The following TCF25 variants were observed in gnomAD, a reference collection of about 807,000 sequenced individuals.
TCF25 encodes TCF25 ribosome quality control complex subunit.
Under a neutral mutation model 83.1 loss-of-function variants are expected in TCF25, and 41 were observed. The observed-to-expected ratio is 0.49, with a 90% CI of 0.38 to 0.64. TCF25 has a LOEUF of 0.64. TCF25 is among the 30% of genes least tolerant of loss of function. The pLI is 0.00. For synonymous variants in TCF25, 458 were observed against 365.0 expected (o/e 1.25, Z -2.90); for missense variants, 979 against 914.5 (o/e 1.07, Z -0.91).
intron 1 of TCF25, 39 bp downstream of exon 1, chr16:89,873,898 C>T: frequency 7.0e-7 from 1 of 1,429,368 alleles, no homozygotes. Flanking sequence ...TGGGGTGGCC[C>T]TTGACGTTGT....
intron 7 of TCF25, among the ~76,000 whole-genome samples, chr16:89,894,354 T>TGCAGCCCCGGACGGCCCCCGC (rs1167172816): frequency 2.3e-5 from 3 of 133,324 alleles, no homozygotes; most frequent in African/African-American, 3.6e-5. Flanking sequence ...CAGCTCCCCT[T>TGCAGCCCCGGACGGCCCCCGC]GCAGCCCCGG....
Position 89,900,767 on chromosome 16 carries a change from C to G in TCF25, c.1354C>G (p.Gln452Glu), listed in dbSNP as rs754815405. 2 of 1,589,618 alleles carry G rather than the reference C, an allele frequency of 1.3e-6. No individual in the cohort carries two copies. Among genetic ancestry groups the G allele is most frequent in the Non-Finnish European group, 8.6e-7 (1 of 1,159,556 alleles). The change falls in exon 12 of 18, where the codon CAG becomes GAG. Residue 452 changes from glutamine to glutamate, a missense_variant. Physicochemically the swap from Gln to Glu is conservative, Grantham distance 29. Coordinates refer to ENST00000263346, the MANE Select transcript of TCF25 (RefSeq NM_014972.3). ...CAGGCAGAAGGCCTCTCTCCTGATA[C>G]AGCAGGCGCTCACCATGTTCCCTGG... Reference protein sequence around the residue: ...SARQKASLLIQQALTMFPGVL... With the variant: ...SARQKASLLIEQALTMFPGVL...
At chr16:89,896,893 C>T (rs1044253228) in intron 9 of TCF25, among the ~76,000 whole-genome samples, 57 of 152,206 alleles carry the variant, frequency 3.7e-4, no homozygotes, top group African/African-American at 1.4e-3. Flanking sequence ...CCTGGTGGCG[C>T]GTGCCTGTGG....
At chr16:89,909,064 C>G (rs879178472) in intron 16 of TCF25, 3 of 1,289,394 alleles carry the variant, frequency 2.3e-6, no homozygotes, top group Non-Finnish European at 3.0e-6. Flanking sequence ...CAAGCGCTTG[C>G]GTGTCGGCCT....
At chr16:89,906,932 C>T (rs1227406541) in intron 15 of TCF25, among the ~76,000 whole-genome samples, 4 of 152,094 alleles carry the variant, frequency 2.6e-5, no homozygotes, top group African/African-American at 7.2e-5. Context: ...GCTTCTGACA[C>T]GTGGTGAAGA....
At position 89,873,661 on chromosome 16, in the gene TCF25, C is replaced by T. The variant is rs1309127743; in HGVS notation, c.-7C>T. 5 of 1,566,156 alleles carry T rather than the reference C, an allele frequency of 3.2e-6. No individual in the cohort carries two copies. In the African/African-American group the frequency reaches 4.3e-5, roughly 13 times the overall value. Reference sequence around the variant, plus strand: ...CCTCTCTCCAGACGTCGTGGTCGTTCGGTCCTATGTCGCGCCGGGCCCTCC... The same window carrying T: ...CCTCTCTCCAGACGTCGTGGTCGTTTGGTCCTATGTCGCGCCGGGCCCTCC... On this transcript the variant is annotated 5_prime_UTR_variant, in exon 1 of 18. Coordinates refer to ENST00000263346, the MANE Select transcript of TCF25 (RefSeq NM_014972.3).
intron 11 of TCF25, among the ~76,000 whole-genome samples, chr16:89,899,268 C>T (rs1349261246): frequency 1.3e-5 from 2 of 152,176 alleles, no homozygotes; most frequent in African/African-American, 4.8e-5. Flanking sequence ...CACAGGGACC[C>T]CCAGCACGTC....
In TCF25 at chr16:89,910,430, C is replaced by CA. The variant is rs1326490153; in HGVS notation, c.1800-161_1800-160insA. On this transcript the variant is annotated intron_variant, in intron 16 of 17. Transcript: ENST00000263346. Reference sequence around the variant, plus strand: ...TGATGAGGAAGCCTCACGGGCCACCCGGGGAATCCAGGGCCTGTGCTCAGC... The same window carrying CA: ...TGATGAGGAAGCCTCACGGGCCACCCAGGGGAATCCAGGGCCTGTGCTCAGC... The CA allele has an allele frequency of 5.8e-6, 4 of 684,702 alleles. No homozygotes were observed. The African/African-American group carries it at 7.2e-5, about 12-fold the overall frequency. The allele number at this position is 684,702 out of a possible 1,614,324, so 42.4% of individuals were successfully genotyped here. A position where few individuals can be genotyped will look rare whatever the true frequency, so the allele number is the denominator to read the frequency against.
At chr16:89,899,507 G>A (rs182759870) in intron 11 of TCF25, among the ~76,000 whole-genome samples, 6 of 152,302 alleles carry the variant, frequency 3.9e-5, no homozygotes, top group East Asian at 1.9e-4. Flanking sequence ...CGAGGCGGGC[G>A]GATCACCTGA....
In TCF25 at chr16:89,910,601, A is replaced by G. The variant is rs2045481688; in HGVS notation, c.1810A>G (p.Ile604Val). 6.2e-7 allele frequency: 1 copy of G among 1,613,716 alleles called. No homozygotes were observed. The highest frequency in any genetic ancestry group is 1.1e-5 in the South Asian group (1 of 91,090). Residue 604 changes from isoleucine (I) to valine (V), a missense_variant, in exon 17 of 18, where the codon ATC becomes GTC. Coordinates refer to ENST00000263346, the MANE Select transcript of TCF25 (RefSeq NM_014972.3). ...SYVRPERLSP[I>V]SHGNTIALFF... ...TTGACTTTCTTTCAGGCTAAGTCCT[A>G]TCAGCCATGGAAACACCATTGCTCT...
chr16:89,893,692 C>A, intron 6 of TCF25, 36 bp from the exon 7 acceptor site: 1 of 1,612,806 alleles, frequency 6.2e-7, no homozygotes, highest in South Asian at 1.1e-5. Context: ...CGTCCCTGCT[C>A]CCGGCACACC....
At chr16:89,896,710 C>T (rs1388945107) in intron 9 of TCF25, among the ~76,000 whole-genome samples, 1 of 152,006 alleles carries the variant, frequency 6.6e-6, no homozygotes, top group Non-Finnish European at 1.5e-5. Flanking sequence ...CGTGCCACAA[C>T]GCCTGGCTAA....
Position 89,875,513 on chromosome 16 carries a change from GTTTTTTTTTTTT to G in TCF25, c.192+1670_192+1681del, listed in dbSNP as rs1193815042. On this transcript the variant is annotated intron_variant, in intron 1 of 17. Coordinates refer to ENST00000263346, the MANE Select transcript of TCF25 (RefSeq NM_014972.3). ...TTCACATAGATATTCCCTGACGTGA[GTTTTTTTTTTTT>G]TTTTTTTTTTTTTTTGAGATGGAGT... 3.5e-4 allele frequency among the ~76,000 whole-genome samples: 23 copies of G among 66,012 alleles called. No homozygotes were observed. In the East Asian group the frequency reaches 0.012, roughly 35 times the overall value. 43.3% of individuals were successfully genotyped at this position (66,012 alleles called of 152,430 possible).
chr16:89,895,000 G>T, intron 7 of TCF25, 38 bp from the exon 8 acceptor site: 1 of 1,587,926 alleles, frequency 6.3e-7, no homozygotes, highest in South Asian at 1.1e-5. Flanking sequence ...GGGCCTTGCT[G>T]AGTGCCTTTC....
intron 6 of TCF25, 112 bp downstream of exon 6, chr16:89,892,387 G>A (rs1170923838): frequency 2.2e-5 from 28 of 1,252,238 alleles, no homozygotes; most frequent in Non-Finnish European, 3.1e-5. Flanking sequence ...GGGGTGGAGG[G>A]CGGCGGGGGG....
chr16:89,900,498 A>C, intron 11 of TCF25, 137 bp from the exon 12 acceptor site: 1 of 942,526 alleles, frequency 1.1e-6, no homozygotes, highest in Non-Finnish European at 1.5e-6. Context: ...ATGCTGAGTT[A>C]GGAAGAGGCC....
chr16:89,910,444 C>A, intron 16 of TCF25, 147 bp from the exon 17 acceptor site: 1 of 740,700 alleles, frequency 1.4e-6, no homozygotes, highest in Non-Finnish European at 2.3e-6. Context: ...GAATCCAGGG[C>A]CTGTGCTCAG....
intron 16 of TCF25, chr16:89,908,843 G>C (rs1046946554): frequency 2.8e-5 from 27 of 976,798 alleles, no homozygotes; most frequent in South Asian, 3.2e-5. Flanking sequence ...CCACCTCGCA[G>C]CTCCCAGCTC....
chr16:89,907,485 CA>C (rs1198585883), intron 16 of TCF25, among the ~76,000 whole-genome samples, 163 bp downstream of exon 16: 7 of 141,864 alleles, frequency 4.9e-5, no homozygotes, highest in African/African-American at 1.6e-4. Flanking sequence ...TCCCACCTCC[CA>C]GCTCCCACCT....
Sources: allele counts gnomAD v4.1 joint callset (sites outside exome capture counted in the v4.1 genomes callset), GRCh38; gene constraint gnomAD v4.1.1; transcripts MANE v1.5; gene names NCBI Gene and HGNC (gene_info 2026-07-23, HGNC 2026-07-21).